POPDC1: variants seen among roughly 807,000 people sequenced by gnomAD.
The protein encoded by POPDC1 is popeye domain-containing protein 1.
At chr6:105,116,721 C>A in the POPDC1 span, 1 of 1,596,746 alleles carries the variant, frequency 6.3e-7, no homozygotes, top group South Asian at 1.2e-5. Context: ...AAGGTGGGAT[C>A]ATTCAATGAG....
chr6:105,122,449 T>C, the POPDC1 span, among the ~76,000 whole-genome samples: 1 of 152,352 alleles, frequency 6.6e-6, no homozygotes, highest in Admixed American at 6.5e-5. Flanking sequence ...GTGGTAGGAA[T>C]TCCTTTTTTG....
the POPDC1 span, chr6:105,099,345 A>G: frequency 1.3e-5 from 2 of 152,232 alleles, no homozygotes; most frequent in Admixed American, 6.5e-5. Flanking sequence ...GAGCTTATTT[A>G]TATGTCTCCT....
chr6:105,125,498 T>G, the POPDC1 span: 1 of 1,614,154 alleles, frequency 6.2e-7, no homozygotes, highest in South Asian at 1.1e-5. Context: ...GTCCAGTTAG[T>G]CTTCTGAACA....
At chr6:105,129,539 A>G in the POPDC1 span, 2 of 1,585,854 alleles carry the variant, frequency 1.3e-6, no homozygotes, top group South Asian at 1.2e-5. Flanking sequence ...TAGATAATCT[A>G]GAAGAGCCTA....
At chr6:105,113,943 C>A in the POPDC1 span, among the ~76,000 whole-genome samples, 1 of 150,110 alleles carries the variant, frequency 6.7e-6, no homozygotes, top group Non-Finnish European at 1.5e-5. Flanking sequence ...TCCCCCCCGC[C>A]ACACACACAC....
chr6:105,103,816 A>G, the POPDC1 span, among the ~76,000 whole-genome samples: 5 of 152,020 alleles, frequency 3.3e-5, no homozygotes, highest in South Asian at 4.2e-4. Flanking sequence ...GACCCTCCCA[A>G]CTCTCTCACC....
At chr6:105,135,496 C>T in the POPDC1 span, among the ~76,000 whole-genome samples, 6 of 152,010 alleles carry the variant, frequency 3.9e-5, no homozygotes, top group African/African-American at 1.5e-4. Context: ...TACATGTTGC[C>T]CCTCGAGTTC....
chr6:105,118,903 G>A, the POPDC1 span, among the ~76,000 whole-genome samples: 6 of 152,006 alleles, frequency 3.9e-5, no homozygotes, highest in Non-Finnish European at 7.4e-5. Context: ...ACAAAAATTA[G>A]CCGGGCATAC....
the POPDC1 span, among the ~76,000 whole-genome samples, chr6:105,104,853 G>A: frequency 6.6e-6 from 1 of 152,266 alleles, no homozygotes; most frequent in South Asian, 2.1e-4. Context: ...AAATGTTGGG[G>A]AAATAAAAAG....
the POPDC1 span, among the ~76,000 whole-genome samples, chr6:105,131,828 T>C: frequency 3.4e-4 from 29 of 85,628 alleles, no homozygotes; most frequent in African/African-American, 9.9e-4. Context: ...TGCTTTTTTA[T>C]AGGGTACGGT....
At chr6:105,097,598 A>G in the POPDC1 span, 2 of 152,210 alleles carry the variant, frequency 1.3e-5, no homozygotes, top group Non-Finnish European at 1.5e-5. Context: ...GCTTTCCCCA[A>G]AGATTTTTCC....
the POPDC1 span, chr6:105,136,409 C>T: frequency 6.6e-6 from 1 of 152,248 alleles, no homozygotes; most frequent in Non-Finnish European, 1.5e-5. Context: ...CCTCCTCGGC[C>T]AGGCGCTCTC....
chr6:105,099,266 T>G, the POPDC1 span: 5 of 152,314 alleles, frequency 3.3e-5, no homozygotes, highest in East Asian at 9.7e-4. Flanking sequence ...GCATGTAAAT[T>G]TAACTCAAAT....
chr6:105,115,481 G>A, the POPDC1 span, among the ~76,000 whole-genome samples: 106 of 152,346 alleles, frequency 7.0e-4, no homozygotes, highest in Admixed American at 1.4e-3. Context: ...TTCTGAAACA[G>A]AAATAATAGT....
the POPDC1 span, chr6:105,125,545 G>A: frequency 1.5e-3 from 2,351 of 1,613,912 alleles, 42 homozygotes; most frequent in East Asian, 0.037. Flanking sequence ...AACAATCGCC[G>A]GTACATGCCA....
At chr6:105,122,654 C>T in the POPDC1 span, among the ~76,000 whole-genome samples, 2 of 152,026 alleles carry the variant, frequency 1.3e-5, no homozygotes, top group East Asian at 3.9e-4. Flanking sequence ...GAAATACAGG[C>T]AAAAGATAAA....
At chr6:105,120,761 T>G in the POPDC1 span, among the ~76,000 whole-genome samples, 3 of 152,246 alleles carry the variant, frequency 2.0e-5, no homozygotes, top group Admixed American at 2.0e-4. Flanking sequence ...CTGAGGGATC[T>G]GCCACATGTG....
the POPDC1 span, among the ~76,000 whole-genome samples, chr6:105,135,312 G>C: frequency 1.3e-5 from 2 of 152,128 alleles, no homozygotes; most frequent in African/African-American, 4.8e-5. Context: ...AATAAAGCCA[G>C]AGGAGTGCCT....
the POPDC1 span, among the ~76,000 whole-genome samples, chr6:105,134,828 C>T: frequency 6.6e-6 from 1 of 152,108 alleles, no homozygotes; most frequent in African/African-American, 2.4e-5. Context: ...TAATAGTTGA[C>T]TTAGATATTG....
Sources: gnomAD v4.1 joint callset for allele counts (sites outside exome capture counted in the v4.1 genomes callset) on GRCh38, gnomAD v4.1.1 for gene constraint, MANE v1.5 for transcripts, NCBI Gene and HGNC (gene_info 2026-07-23, HGNC 2026-07-21) for gene names.